PLD5: variants seen among roughly 807,000 people sequenced by gnomAD.
The protein encoded by PLD5 is phospholipase D family member 5, also known as inactive phospholipase D5.
Under a neutral mutation model 61.1 loss-of-function variants are expected in PLD5, and 36 were observed. That is an observed-to-expected ratio of 0.59 (90% CI 0.45 to 0.78). The LOEUF (loss-of-function observed/expected upper bound fraction) is 0.78, where lower values mean the gene tolerates loss of function less well. Ranked by LOEUF, PLD5 falls within the 30% of genes least tolerant of loss-of-function variation. PLD5 has a pLI of 0.00. For synonymous variants in PLD5, 243 were observed against 242.8 expected, an observed-to-expected ratio of 1.00 and a Z score of -0.01; for missense variants, 515 against 644.4, an observed-to-expected ratio of 0.80 and a Z score of 2.17.
At chr1:242,143,203 TTTTTTTC>T (rs995334837) in intron 5 of PLD5, among the ~76,000 whole-genome samples, 9 of 151,848 alleles carry the variant, frequency 5.9e-5, no homozygotes, top group South Asian at 2.1e-4. Context: ...TGTTTTTTTC[TTTTTTTC>T]TTTTTTCTTT....
chr1:242,457,508 GA>G (rs1347423773), intron 1 of PLD5, among the ~76,000 whole-genome samples: 38 of 152,138 alleles, frequency 2.5e-4, no homozygotes, highest in South Asian at 4.2e-4. Flanking sequence ...TTAACGTGGG[GA>G]AGAGGTTATG....
chr1:242,158,440 G>A (rs965735727), intron 5 of PLD5, among the ~76,000 whole-genome samples: 1 of 152,100 alleles, frequency 6.6e-6, no homozygotes, highest in South Asian at 2.1e-4. Context: ...GCCCTGGTGG[G>A]GTAGGCACCA....
chr1:242,164,047 A>T (rs527613767), intron 5 of PLD5, among the ~76,000 whole-genome samples: 38 of 152,212 alleles, frequency 2.5e-4, no homozygotes, highest in African/African-American at 9.2e-4. Context: ...TTTGAAGACC[A>T]TGTATGTGCA....
At chr1:242,157,316 A>G (rs189566162) in intron 5 of PLD5, among the ~76,000 whole-genome samples, 25 of 152,268 alleles carry the variant, frequency 1.6e-4, no homozygotes, top group African/African-American at 5.5e-4. Flanking sequence ...TTTAGCTCGG[A>G]GAAGTTTGTT....
intron 2 of PLD5, among the ~76,000 whole-genome samples, chr1:242,317,013 T>C (rs1658054415): frequency 6.6e-6 from 1 of 152,084 alleles, no homozygotes; most frequent in Admixed American, 6.5e-5. Context: ...GTCTACTTTT[T>C]TTTTTTTTTC....
intron 2 of PLD5, among the ~76,000 whole-genome samples, chr1:242,290,906 A>G (rs1285780801): frequency 3.3e-5 from 5 of 150,914 alleles, no homozygotes; most frequent in Non-Finnish European, 7.4e-5. Flanking sequence ...AAAAATGTGA[A>G]TCTGGACACT....
chr1:242,296,376 TTTAA>T (rs1237620268), intron 2 of PLD5, among the ~76,000 whole-genome samples: 1 of 151,400 alleles, frequency 6.6e-6, no homozygotes, highest in African/African-American at 2.4e-5. Flanking sequence ...AGCTCTTTAG[TTTAA>T]TTAATTGCCA....
intron 1 of PLD5, among the ~76,000 whole-genome samples, chr1:242,426,231 G>T (rs904934552): frequency 1.4e-5 from 2 of 147,654 alleles, no homozygotes; most frequent in African/African-American, 5.1e-5. Context: ...GCAATAACAC[G>T]CACAGAGCTG....
At chr1:242,151,538 A>G (rs543835737) in intron 5 of PLD5, among the ~76,000 whole-genome samples, 2 of 152,066 alleles carry the variant, frequency 1.3e-5, no homozygotes, top group South Asian at 2.1e-4. Context: ...ACTCTTGTCA[A>G]TATTCCTATA....
At chr1:242,104,191 A>G (rs1343640352) in intron 8 of PLD5, among the ~76,000 whole-genome samples, 1 of 151,916 alleles carries the variant, frequency 6.6e-6, no homozygotes, top group Non-Finnish European at 1.5e-5. Context: ...ATCATAGGTC[A>G]CTGCAGCCTT....
At chr1:242,399,134 C>T (rs1663776788) in intron 1 of PLD5, among the ~76,000 whole-genome samples, 1 of 152,088 alleles carries the variant, frequency 6.6e-6, no homozygotes, top group African/African-American at 2.4e-5. Context: ...AATTAATGTG[C>T]AAGATGAAAA....
At chr1:242,385,627 C>T (rs866177163) in intron 1 of PLD5, among the ~76,000 whole-genome samples, 2 of 152,100 alleles carry the variant, frequency 1.3e-5, no homozygotes, top group Admixed American at 6.6e-5. Context: ...GTCACCCCCA[C>T]GACCTGGTGT....
intron 1 of PLD5, among the ~76,000 whole-genome samples, chr1:242,394,424 G>A (rs62646898): frequency 5.8e-5 from 6 of 102,938 alleles, no homozygotes; most frequent in African/African-American, 2.4e-4. Flanking sequence ...GTATATATGT[G>A]TGTATATGAG....
chr1:242,506,771 C>T (rs1215584502), intron 1 of PLD5, among the ~76,000 whole-genome samples: 1 of 152,166 alleles, frequency 6.6e-6, no homozygotes, highest in South Asian at 2.1e-4. Context: ...GAGCGAAATA[C>T]TGGACGGGAA....
chr1:242,207,964 T>TTATATATATTTATTTATATATATTTA (rs1558344872), intron 5 of PLD5, among the ~76,000 whole-genome samples: 1 of 32,804 alleles, frequency 3.0e-5, no homozygotes, highest in African/African-American at 1.5e-4. Flanking sequence ...TTATATATAT[T>TTATATATATTTATTTATATATATTTA]TATATATATT....
chr1:242,512,881 T>G (rs1422840146), intron 1 of PLD5, among the ~76,000 whole-genome samples: 2 of 152,000 alleles, frequency 1.3e-5, no homozygotes, highest in African/African-American at 4.8e-5. Context: ...TTTTTCTTTT[T>G]TTTTTTTGGA....
At chr1:242,318,697 C>T (rs1251236347) in intron 2 of PLD5, among the ~76,000 whole-genome samples, 1 of 151,394 alleles carries the variant, frequency 6.6e-6, no homozygotes, top group African/African-American at 2.4e-5. Flanking sequence ...CACTATGTTG[C>T]CCAGGCCGTC....
chr1:242,182,567 G>T (rs1336347621), intron 5 of PLD5, among the ~76,000 whole-genome samples: 2 of 152,158 alleles, frequency 1.3e-5, no homozygotes, highest in Non-Finnish European at 2.9e-5. Context: ...CACTGGCAGG[G>T]CGCAGTGGCT....
chr1:242,169,729 T>C (rs112429840), intron 5 of PLD5, among the ~76,000 whole-genome samples: 12,235 of 152,218 alleles, frequency 0.08, 600 homozygotes, highest in Middle Eastern at 0.15. Context: ...CAACCTGGGA[T>C]ACTCCAGCTT....
Sources: gnomAD v4.1 joint callset for allele counts (sites outside exome capture counted in the v4.1 genomes callset) on GRCh38, gnomAD v4.1.1 for gene constraint, MANE v1.5 for transcripts, NCBI Gene and HGNC (gene_info 2026-07-23, HGNC 2026-07-21) for gene names.